The following KLHL20 variants were observed in gnomAD, a reference collection of about 807,000 sequenced individuals.
KLHL20 encodes kelch like family member 20, also known as kelch-like protein 20.
Under a neutral mutation model 69.5 loss-of-function variants are expected in KLHL20, and 29 were observed. The observed-to-expected ratio is 0.42, with a 90% CI of 0.31 to 0.57. KLHL20 has a LOEUF of 0.57. Ranked by LOEUF, KLHL20 falls within the 20% of genes least tolerant of loss-of-function variation. The pLI, the probability that KLHL20 is intolerant of heterozygous loss-of-function variation, is 0.18. For synonymous variants in KLHL20, 253 were observed against 265.2 expected (o/e 0.95, Z 0.45); for missense variants, 419 against 776.0 (o/e 0.54, Z 5.47).
intron 11 of KLHL20, among the ~76,000 whole-genome samples, chr1:173,784,114 T>C (rs1649056769): frequency 6.6e-6 from 1 of 152,092 alleles, no homozygotes; most frequent in Non-Finnish European, 1.5e-5. Flanking sequence ...TTCCTTGCCC[T>C]GCTGGAGCTA....
At position 173,718,386 on chromosome 1, in the gene KLHL20, CAAG is replaced by C. The variant is rs1338663980; in HGVS notation, c.23+2323_23+2325del. ...AAACCCCATCTCTACAAAAAGGAAACAAGAAAAATTTAGCCAAGTGTTGTGGCA... is the reference window on the plus strand; with the variant it reads ...AAACCCCATCTCTACAAAAAGGAAACAAAAATTTAGCCAAGTGTTGTGGCA... On this transcript the variant is annotated intron_variant, in intron 2 of 11. Transcript: ENST00000209884. 2.0e-5 allele frequency among the ~76,000 whole-genome samples: 3 copies of C among 151,806 alleles called. No homozygotes were observed. The East Asian group carries it at 5.9e-4, about 30-fold the overall frequency.
Position 173,774,329 on chromosome 1 carries a change from G to GA in KLHL20, c.1321dup (p.Thr441AsnfsTer29). 1 of 1,614,170 alleles carries GA rather than the reference G, an allele frequency of 6.2e-7. No homozygotes were observed. Among genetic ancestry groups the GA allele is most frequent in the Non-Finnish European group, 8.5e-7 (1 of 1,180,030 alleles). Reference sequence around the variant, plus strand: ...GGTATGATCCGAAGGAGAACAAGTGGACTCGGGTAGCTTCTATGAGTACCA... The same window carrying GA: ...GGTATGATCCGAAGGAGAACAAGTGGAACTCGGGTAGCTTCTATGAGTACCA... On this transcript the variant is annotated frameshift_variant, in exon 9 of 12. Coordinates refer to ENST00000209884, the MANE Select transcript of KLHL20 (RefSeq NM_014458.4). LOFTEE classifies it high-confidence loss of function.
At chr1:173,743,119 T>TAA (rs34507412) in intron 3 of KLHL20, among the ~76,000 whole-genome samples, 1 of 136,920 alleles carries the variant, frequency 7.3e-6, no homozygotes, top group Non-Finnish European at 1.6e-5. Flanking sequence ...AAGGAATGTG[T>TAA]AAAAAAAAAA....
At chr1:173,746,953 TA>T (rs1392636584) in intron 3 of KLHL20, among the ~76,000 whole-genome samples, 5 of 152,008 alleles carry the variant, frequency 3.3e-5, no homozygotes, top group Non-Finnish European at 7.4e-5. Context: ...ATTCTGTTTA[TA>T]TTTCTGTAAC....
intron 3 of KLHL20, among the ~76,000 whole-genome samples, chr1:173,738,790 C>T (rs1018507082): frequency 6.6e-6 from 1 of 152,090 alleles, no homozygotes; most frequent in African/African-American, 2.4e-5. Context: ...TGTGGTATAT[C>T]ACAATTATTG....
At chr1:173,755,221 G>A (rs1673495434) in intron 5 of KLHL20, among the ~76,000 whole-genome samples, 1 of 152,040 alleles carries the variant, frequency 6.6e-6, no homozygotes, top group African/African-American at 2.4e-5. Context: ...ACCACACCCA[G>A]CTACTTTTTG....
intron 3 of KLHL20, among the ~76,000 whole-genome samples, chr1:173,742,345 C>T (rs1672843488): frequency 6.6e-6 from 1 of 152,084 alleles, no homozygotes; most frequent in Admixed American, 6.6e-5. Context: ...TATTTTGACT[C>T]AGCTTCCTAC....
chr1:173,780,588 G>A (rs951298457), intron 10 of KLHL20, among the ~76,000 whole-genome samples: 3 of 152,096 alleles, frequency 2.0e-5, no homozygotes, highest in Admixed American at 1.3e-4. Flanking sequence ...GACCCGCGTG[G>A]GCAACATGTG....
chr1:173,778,575 G>A (rs939724534), intron 10 of KLHL20, among the ~76,000 whole-genome samples: 2 of 151,910 alleles, frequency 1.3e-5, no homozygotes, highest in African/African-American at 4.8e-5. Context: ...CTGAGCTCAA[G>A]TGATCTATTC....
Position 173,734,035 on chromosome 1 carries a change from G to A in KLHL20, c.346G>A (p.Glu116Lys), listed in dbSNP as rs1672412704. The change falls in exon 3 of 12, where the codon GAG becomes AAG. Residue 116 changes from glutamate to lysine, a missense_variant. By Grantham distance (56) the Glu-to-Lys change is moderately conservative (BLOSUM62 1). Around this residue, in one of 6 missense-constraint regions of KLHL20, gnomAD observed 129 missense variants for 183.6 expected, o/e 0.70. Transcript: ENST00000209884. ...QTEVVIRDID[E>K]RAMELLIDFA... is the part of the protein sequence containing the mutation. The stretch of plus-strand genomic sequence containing the variant: ...AGAAGTAGTGATCCGAGACATTGAC[G>A]AGAGGGCTATGGAATTACTGATTGA... 1 of 1,614,182 alleles carries A rather than the reference G, an allele frequency of 6.2e-7. No individual in the cohort carries two copies. The highest frequency in any genetic ancestry group is 8.5e-7 in the Non-Finnish European group (1 of 1,180,034).
chr1:173,738,034 A>G (rs1278742041), intron 3 of KLHL20, among the ~76,000 whole-genome samples: 2 of 151,244 alleles, frequency 1.3e-5, no homozygotes, highest in African/African-American at 4.9e-5. Flanking sequence ...GTATAGCAGT[A>G]CTACTGGTTT....
chr1:173,745,313 C>G (rs1571886556), intron 3 of KLHL20, among the ~76,000 whole-genome samples: 1 of 151,428 alleles, frequency 6.6e-6, no homozygotes, highest in South Asian at 2.1e-4. Flanking sequence ...CAGGCGTGCA[C>G]CACCAGGCCT....
intron 2 of KLHL20, among the ~76,000 whole-genome samples, chr1:173,725,348 G>T (rs148193831): frequency 1.3e-5 from 2 of 152,146 alleles, no homozygotes; most frequent in African/African-American, 4.8e-5. Flanking sequence ...AGTAAGTCAC[G>T]TAACCAAACT....
intron 6 of KLHL20, 87 bp from the exon 7 acceptor site, chr1:173,756,889 G>A (rs1300779978): frequency 7.8e-7 from 1 of 1,285,222 alleles, no homozygotes; most frequent in Non-Finnish European, 1.1e-6. Context: ...GTGAGTCTAA[G>A]CATTAGGTCA....
chr1:173,741,815 T>C, intron 3 of KLHL20: 1 of 1,579,626 alleles, frequency 6.3e-7, no homozygotes, highest in Non-Finnish European at 8.6e-7. Flanking sequence ...CCATGGTCTT[T>C]AGCCATGCAC....
At chr1:173,734,364 C>T in intron 3 of KLHL20, 78 bp downstream of exon 3, 1 of 1,181,374 alleles carries the variant, frequency 8.5e-7, no homozygotes. Context: ...ATAACACTTG[C>T]CTGGGTATTT....
intron 2 of KLHL20, among the ~76,000 whole-genome samples, chr1:173,717,473 A>G (rs1197146769): frequency 6.6e-6 from 1 of 152,190 alleles, no homozygotes; most frequent in African/African-American, 2.4e-5. Flanking sequence ...CTCTGGTCTT[A>G]CTTTCACCTG....
intron 2 of KLHL20, among the ~76,000 whole-genome samples, chr1:173,727,714 A>G (rs942659515): frequency 6.6e-6 from 1 of 152,204 alleles, no homozygotes; most frequent in African/African-American, 2.4e-5. Flanking sequence ...AGATTTTGTC[A>G]CCACCAGACC....
rs1271983168 is a variant in KLHL20, at chr1:173,734,013, A to G, written c.324A>G (p.Glu108=). 1 of 1,614,224 alleles carries G rather than the reference A, an allele frequency of 6.2e-7. No individual in the cohort carries two copies. The highest frequency in any genetic ancestry group is 1.7e-5 in the Admixed American group (1 of 60,020). Residue 108 remains glutamate (E), a synonymous_variant, in exon 3 of 12, where the codon GAA becomes GAG. Transcript: ENST00000209884. The part of the protein sequence containing the change: ...TGELAESRQT[E]VVIRDIDERA... ...AATTGGCAGAGAGCCGTCAGACAGA[A>G]GTAGTGATCCGAGACATTGACGAGA...
Sources: allele counts gnomAD v4.1 joint callset (sites outside exome capture counted in the v4.1 genomes callset), GRCh38; gene constraint gnomAD v4.1.1; regional missense constraint gnomAD v4.1.1; transcripts MANE v1.5; gene names NCBI Gene and HGNC (gene_info 2026-07-23, HGNC 2026-07-21).